SGCD: variants seen among roughly 807,000 people sequenced by gnomAD.
SGCD encodes delta-sarcoglycan.
A neutral mutation model predicts 36.6 loss-of-function variants in SGCD; 18 were observed. The observed-to-expected ratio is 0.49, with a 90% CI of 0.34 to 0.73. The LOEUF is 0.73. Ranked by LOEUF, SGCD falls within the 30% of genes least tolerant of loss-of-function variation. SGCD has a pLI of 0.01. For synonymous variants in SGCD, 133 were observed against 130.6 expected (o/e 1.02, Z -0.12); for missense variants, 387 against 346.7 (o/e 1.12, Z -0.92).
chr5:155,790,071 G>T, the SGCD span, among the ~76,000 whole-genome samples: 1 of 151,954 alleles, frequency 6.6e-6, no homozygotes, highest in Non-Finnish European at 1.5e-5. Flanking sequence ...ATATGATGTT[G>T]ACCTTATGTT....
At chr5:156,293,588 T>C (rs749659148) in intron 3 of SGCD, among the ~76,000 whole-genome samples, 13 of 152,200 alleles carry the variant, frequency 8.5e-5, no homozygotes, top group Non-Finnish European at 1.6e-4. Flanking sequence ...ATCTTCCCTA[T>C]TAAATGATAT....
chr5:156,308,158 G>T (rs1005669553), intron 3 of SGCD, among the ~76,000 whole-genome samples: 1 of 152,068 alleles, frequency 6.6e-6, no homozygotes, highest in Admixed American at 6.5e-5. Context: ...AATTCAAAAC[G>T]AAAAGAGGTT....
chr5:156,285,403 A>G (rs1766567229), intron 3 of SGCD, among the ~76,000 whole-genome samples: 1 of 152,350 alleles, frequency 6.6e-6, no homozygotes, highest in Admixed American at 6.5e-5. Flanking sequence ...TGGAGGCATC[A>G]TGCTACCTGA....
intron 1 of SGCD, among the ~76,000 whole-genome samples, chr5:155,945,787 T>C (rs1188584338): frequency 6.6e-6 from 1 of 152,122 alleles, no homozygotes; most frequent in Non-Finnish European, 1.5e-5. Flanking sequence ...AGGTAGAGCC[T>C]TGAAGACCAC....
chr5:156,751,786 G>A (rs1227626335), intron 7 of SGCD, among the ~76,000 whole-genome samples: 1 of 152,200 alleles, frequency 6.6e-6, no homozygotes, highest in Admixed American at 6.5e-5. Flanking sequence ...TGTATCAAAT[G>A]TCAGCAAGAA....
chr5:156,616,576 G>A (rs280462), intron 6 of SGCD, among the ~76,000 whole-genome samples: 36,584 of 152,006 alleles, frequency 0.24, 4,512 homozygotes, highest in East Asian at 0.31. Context: ...TCTCTCCCTT[G>A]CTTGCTGAGC....
chr5:156,586,641 A>G (rs548195892), intron 4 of SGCD, among the ~76,000 whole-genome samples: 408 of 152,354 alleles, frequency 2.7e-3, no homozygotes, highest in Non-Finnish European at 4.8e-3. Context: ...TTATAATACA[A>G]TACTGCATTA....
At chr5:156,148,540 C>T (rs1441887979) in intron 3 of SGCD, among the ~76,000 whole-genome samples, 1 of 152,048 alleles carries the variant, frequency 6.6e-6, no homozygotes, top group Non-Finnish European at 1.5e-5. Context: ...GATATATGGT[C>T]TTTCTTTTTA....
intron 7 of SGCD, among the ~76,000 whole-genome samples, chr5:156,699,319 T>A (rs1290781186): frequency 6.6e-6 from 1 of 152,156 alleles, no homozygotes; most frequent in African/African-American, 2.4e-5. Context: ...TGCCTCTGAG[T>A]CATCTTGCTT....
intron 3 of SGCD, among the ~76,000 whole-genome samples, chr5:156,357,874 A>G (rs896263515): frequency 6.6e-6 from 1 of 152,082 alleles, no homozygotes; most frequent in East Asian, 1.9e-4. Context: ...ACTATGGTCA[A>G]CCCCCCAACT....
chr5:156,081,534 C>T (rs1197897705), intron 1 of SGCD, among the ~76,000 whole-genome samples: 7 of 152,108 alleles, frequency 4.6e-5, no homozygotes, highest in Non-Finnish European at 1.0e-4. Context: ...GCTGGGACTA[C>T]AGGTGCATGC....
chr5:155,764,701 T>C, the SGCD span, among the ~76,000 whole-genome samples: 5 of 152,092 alleles, frequency 3.3e-5, no homozygotes, highest in Non-Finnish European at 7.4e-5. Flanking sequence ...TTATACTCCA[T>C]TCATGGGGAC....
In SGCD at chr5:156,133,914, AACACACACACACAC is replaced by A. The variant is rs70981997; in HGVS notation, c.-44+9929_-44+9942del. Among the ~76,000 whole-genome samples the A allele has an allele frequency of 6.0e-3, 848 of 140,392 alleles. 5 individuals carry two copies. The highest frequency in any genetic ancestry group is 0.016 in the African/African-American group (575 of 36,822). The allele number at this position is 140,392 out of a possible 152,430, so 92.1% of individuals were successfully genotyped here. The stretch of plus-strand genomic sequence containing the variant: ...ATTTAGGTCTTATTTGCCGGGTTAA[AACACACACACACAC>A]ACACACACACACACACACACACACA... On this transcript the variant is annotated intron_variant, in intron 3 of 9. Transcript: ENST00000517913.
intron 3 of SGCD, among the ~76,000 whole-genome samples, chr5:156,396,780 A>G (rs1390233344): frequency 6.6e-6 from 1 of 152,200 alleles, no homozygotes; most frequent in Non-Finnish European, 1.5e-5. Context: ...AATGCTGACC[A>G]TGCACTGTTT....
chr5:156,093,401 C>T (rs1012919358), intron 1 of SGCD, among the ~76,000 whole-genome samples: 6 of 152,182 alleles, frequency 3.9e-5, no homozygotes, highest in African/African-American at 1.2e-4. Context: ...GATCACTCTA[C>T]CGAATGAAAG....
chr5:156,401,245 T>A (rs1266892708), intron 3 of SGCD, among the ~76,000 whole-genome samples: 1 of 152,192 alleles, frequency 6.6e-6, no homozygotes, highest in African/African-American at 2.4e-5. Context: ...GCAAAGAATA[T>A]GTATTTTTAA....
chr5:156,026,243 A>T (rs1759224399), intron 1 of SGCD, among the ~76,000 whole-genome samples: 2 of 152,226 alleles, frequency 1.3e-5, no homozygotes, highest in Admixed American at 6.5e-5. Context: ...TTGTGCCCCA[A>T]ATATAATGTT....
chr5:155,861,554 C>T, the SGCD span, among the ~76,000 whole-genome samples: 1 of 151,962 alleles, frequency 6.6e-6, no homozygotes, highest in Non-Finnish European at 1.5e-5. Flanking sequence ...CCCGTCTCAA[C>T]TAAAAATACA....
At chr5:156,755,700 G>A (rs1757309402) in intron 7 of SGCD, among the ~76,000 whole-genome samples, 1 of 152,212 alleles carries the variant, frequency 6.6e-6, no homozygotes, top group African/African-American at 2.4e-5. Flanking sequence ...AGGAGGGGAG[G>A]TGGGGAGTGG....
Sources: allele counts gnomAD v4.1 joint callset (sites outside exome capture counted in the v4.1 genomes callset), GRCh38; gene constraint gnomAD v4.1.1; transcripts MANE v1.5; gene names NCBI Gene and HGNC (gene_info 2026-07-23, HGNC 2026-07-21).